PTPRR: variants seen among roughly 807,000 people sequenced by gnomAD.
PTPRR encodes the protein protein tyrosine phosphatase receptor type R, also known as receptor-type tyrosine-protein phosphatase R.
In PTPRR, 38 loss-of-function variants were observed where a neutral mutation model predicts 77.2. The ratio of observed to expected loss-of-function variants is 0.49; its 90% CI spans 0.38 to 0.65. PTPRR has a LOEUF of 0.65. Among genes scored for constraint, PTPRR ranks in the 30% least tolerant of loss-of-function variants. The pLI, the probability that PTPRR is intolerant of heterozygous loss-of-function variation, is 0.00. For synonymous variants in PTPRR, 299 were observed against 283.1 expected (o/e 1.06, Z -0.57); for missense variants, 744 against 799.2 (o/e 0.93, Z 0.83).
At chr12:70,821,213 C>CTTGTTTTTTTTTTTTTTTTTTTTTTTTT (rs1892003092) in intron 2 of PTPRR, among the ~76,000 whole-genome samples, 1 of 31,972 alleles carries the variant, frequency 3.1e-5, no homozygotes, top group Non-Finnish European at 6.1e-5. Flanking sequence ...GGGATCACTG[C>CTTGTTTTTTTTTTTTTTTTTTTTTTTTT]TTTTTTTTTT....
chr12:70,721,653 T>G (rs1224242478), intron 6 of PTPRR, among the ~76,000 whole-genome samples: 1 of 152,322 alleles, frequency 6.6e-6, no homozygotes, highest in South Asian at 2.1e-4. Flanking sequence ...TTTTTTCTAC[T>G]AGGCAAAACT....
At chr12:70,804,730 G>T (rs1025961665) in intron 2 of PTPRR, among the ~76,000 whole-genome samples, 1 of 152,140 alleles carries the variant, frequency 6.6e-6, no homozygotes, top group Non-Finnish European at 1.5e-5. Context: ...CTGGTTCCTG[G>T]CTTCCACCAC....
chr12:70,774,637 G>A (rs372866727), intron 2 of PTPRR, among the ~76,000 whole-genome samples: 1 of 143,046 alleles, frequency 7.0e-6, no homozygotes, highest in South Asian at 2.2e-4. Context: ...GCTGGATTTT[G>A]TAGAGCATGC....
chr12:70,894,739 C>T (rs1468979724), intron 1 of PTPRR, among the ~76,000 whole-genome samples: 6 of 151,614 alleles, frequency 4.0e-5, no homozygotes, highest in African/African-American at 1.2e-4. Context: ...TTCCATTATA[C>T]TACATATGTT....
chr12:70,654,312 T>A (rs1304167436), intron 13 of PTPRR, among the ~76,000 whole-genome samples: 10 of 152,132 alleles, frequency 6.6e-5, no homozygotes, highest in Non-Finnish European at 1.3e-4. Flanking sequence ...GCACGGTGGC[T>A]CACACCTACA....
At chr12:70,778,377 G>A (rs770361475) in intron 2 of PTPRR, among the ~76,000 whole-genome samples, 5 of 152,092 alleles carry the variant, frequency 3.3e-5, no homozygotes, top group Non-Finnish European at 5.9e-5. Context: ...ATTTCTTTGG[G>A]TTGATAGTGC....
chr12:70,867,616 G>T (rs1472174688), intron 2 of PTPRR, among the ~76,000 whole-genome samples: 2 of 151,600 alleles, frequency 1.3e-5, no homozygotes, highest in African/African-American at 2.4e-5. Context: ...ACTGCCCAAG[G>T]TAATTTATAG....
intron 2 of PTPRR, among the ~76,000 whole-genome samples, chr12:70,870,649 G>A (rs549871543): frequency 6.6e-6 from 1 of 152,132 alleles, no homozygotes. Context: ...AAGAATGAGA[G>A]GCTTCTCAAA....
At chr12:70,899,049 T>C (rs951196098) in intron 1 of PTPRR, among the ~76,000 whole-genome samples, 7 of 151,560 alleles carry the variant, frequency 4.6e-5, no homozygotes, top group Non-Finnish European at 1.0e-4. Context: ...TAAATTGTGC[T>C]AAAATTATAA....
intron 6 of PTPRR, among the ~76,000 whole-genome samples, chr12:70,718,181 C>T (rs945489648): frequency 6.6e-6 from 1 of 151,898 alleles, no homozygotes; most frequent in Admixed American, 6.6e-5. Context: ...GTCTGCCGAA[C>T]ATTTGAGACA....
At chr12:70,831,531 A>G (rs558386062) in intron 2 of PTPRR, among the ~76,000 whole-genome samples, 3 of 152,194 alleles carry the variant, frequency 2.0e-5, no homozygotes, top group African/African-American at 7.2e-5. Flanking sequence ...TCAGGGGTCC[A>G]ACCCATCTAA....
intron 2 of PTPRR, among the ~76,000 whole-genome samples, chr12:70,834,434 T>A (rs975237172): frequency 1.3e-5 from 2 of 152,172 alleles, no homozygotes; most frequent in Admixed American, 1.3e-4. Flanking sequence ...TGTCAGGCTG[T>A]TCAAATAACA....
intron 1 of PTPRR, among the ~76,000 whole-genome samples, chr12:70,919,673 G>GTTTTTTTTTTTTTTTTTTTTTTTTTTTTT (rs58439089): frequency 9.1e-6 from 1 of 110,082 alleles, no homozygotes; most frequent in Non-Finnish European, 1.9e-5. Flanking sequence ...AACTGTAATT[G>GTTTTTTTTTTTTTTTTTTTTTTTTTTTTT]TTTTTTTTTT....
rs1893726155 is a variant in PTPRR, at chr12:70,913,248, C to CTTTTTGTG, written c.58+7084_58+7085insCACAAAAA. On this transcript the variant is annotated intron_variant, in intron 1 of 13. Coordinates refer to ENST00000283228, the MANE Select transcript of PTPRR (RefSeq NM_002849.4). Reference sequence around the variant, plus strand: ...CAAAAACTTTATGGTTCTATAAAGACTGTATACACACAAAATGAGAGAAAA... The same window carrying CTTTTTGTG: ...CAAAAACTTTATGGTTCTATAAAGACTTTTTGTGTGTATACACACAAAATGAGAGAAAA... Among the ~76,000 whole-genome samples, 3 of 152,146 alleles carry CTTTTTGTG rather than the reference C, an allele frequency of 2.0e-5. No homozygotes were observed. The South Asian group carries it at 6.2e-4, about 32-fold the overall frequency.
chr12:70,842,384 C>A (rs1892411783), intron 2 of PTPRR, among the ~76,000 whole-genome samples: 1 of 152,130 alleles, frequency 6.6e-6, no homozygotes, highest in African/African-American at 2.4e-5. Context: ...TTATGACATG[C>A]ATGTTGGTTT....
intron 2 of PTPRR, among the ~76,000 whole-genome samples, chr12:70,804,569 G>A (rs1405406355): frequency 6.6e-6 from 1 of 151,886 alleles, no homozygotes; most frequent in Non-Finnish European, 1.5e-5. Context: ...GAAGACTCCT[G>A]ATGCTAGCTA....
Position 70,920,607 on chromosome 12 carries a change from G to C in PTPRR, c.-217C>G, listed in dbSNP as rs1893842920. The C allele has an allele frequency of 1.9e-6, 1 of 516,296 alleles. No individual in the cohort carries two copies. Among genetic ancestry groups the C allele is most frequent in the African/African-American group, 1.9e-5 (1 of 51,704 alleles). The allele number at this position is 516,296 out of a possible 1,614,324, so 32.0% of individuals were successfully genotyped here. A position where few individuals can be genotyped will look rare whatever the true frequency, so the allele number is the denominator to read the frequency against. On this transcript the variant is annotated 5_prime_UTR_variant, in exon 1 of 14. It introduces an in-frame stop codon into an upstream open reading frame of the 5' UTR. Coordinates refer to ENST00000283228, the MANE Select transcript of PTPRR (RefSeq NM_002849.4). ...GAGGAAGAGCAGTAGGAGGTTGCGG[G>C]TAAGGGGAACAGAAGCGCTCAGAGG... is the stretch of plus-strand genomic sequence containing the variant.
At chr12:70,712,074 C>G (rs1888846489) in intron 6 of PTPRR, among the ~76,000 whole-genome samples, 1 of 152,042 alleles carries the variant, frequency 6.6e-6, no homozygotes, top group South Asian at 2.1e-4. Context: ...AAGTCACTGG[C>G]CTTTCACCTT....
chr12:70,673,941 A>AT (rs983865414), intron 10 of PTPRR, among the ~76,000 whole-genome samples: 30 of 151,976 alleles, frequency 2.0e-4, no homozygotes, highest in African/African-American at 6.8e-4. Context: ...CTTTTTAAAA[A>AT]TTTTTTTTAA....
Sources: gnomAD v4.1 joint callset for allele counts (sites outside exome capture counted in the v4.1 genomes callset) on GRCh38, gnomAD v4.1.1 for gene constraint, MANE v1.5 for transcripts, NCBI Gene and HGNC (gene_info 2026-07-23, HGNC 2026-07-21) for gene names.